The following TEX15 variants were observed in gnomAD, a reference collection of about 807,000 sequenced individuals.
The protein encoded by TEX15 is testis-expressed protein 15.
A neutral mutation model predicts 237.3 loss-of-function variants in TEX15; 171 were observed. The observed-to-expected ratio is 0.72, with a 90% CI of 0.64 to 0.82. The LOEUF is 0.82. TEX15 is among the 40% of genes least tolerant of loss of function. The probability of loss-of-function intolerance (pLI) is 0.00; values close to 1 mark genes in which losing one functional copy is unlikely to be tolerated. For missense variants in TEX15, 3,750 were observed against 3,646.5 expected, an observed-to-expected ratio of 1.03 and a Z score of -0.73; for synonymous variants, 1,338 against 1,269.8, an observed-to-expected ratio of 1.05 and a Z score of -1.14.
chr8:30,834,652 A>G (rs558505386), intron 10 of TEX15, among the ~76,000 whole-genome samples: 15 of 152,278 alleles, frequency 9.9e-5, no homozygotes, highest in African/African-American at 3.6e-4. Flanking sequence ...AGTACGAGAG[A>G]GATTGTTCTA....
rs545635671 is a variant in TEX15 at position 30,887,080 on chromosome 8, G to C, written c.136+87C>G. ...ACCTGAATTAACCTAATTTTATATA[G>C]AGTCAAAATAAAAGATGAACATAAA... On this transcript the variant is annotated intron_variant, in intron 3 of 10. Transcript: ENST00000643185. The C allele has an allele frequency of 5.8e-6, 7 of 1,204,558 alleles. No individual in the cohort carries two copies. The South Asian group carries it at 1.0e-4, about 17-fold the overall frequency. 74.6% of individuals were successfully genotyped at this position (1,204,558 alleles called of 1,614,324 possible). A position where few individuals can be genotyped will look rare whatever the true frequency, so the allele number is the denominator to read the frequency against.
Position 30,845,130 on chromosome 8 carries a change from G to A in TEX15, c.5037C>T (p.Asn1679=). The part of the protein sequence containing the change: ...GNLILSDCKR[N]LEVKWTDPIE... Reference sequence around the variant, plus strand: ...TAGGATCTGTCCACTTTACTTCCAGGTTTCTTTTACAATCAGATAAAATAA... The same window carrying A: ...TAGGATCTGTCCACTTTACTTCCAGATTTCTTTTACAATCAGATAAAATAA... The change falls in exon 8 of 11, where the codon AAC becomes AAT. Residue 1679 remains asparagine (N), a synonymous_variant. Transcript: ENST00000643185. The A allele has an allele frequency of 6.2e-7, 1 of 1,613,324 alleles. No homozygotes were observed. The highest frequency in any genetic ancestry group is 8.5e-7 in the Non-Finnish European group (1 of 1,179,442).
chr8:30,907,461 T>C (rs1809126731), intron 1 of TEX15, among the ~76,000 whole-genome samples: 1 of 147,756 alleles, frequency 6.8e-6, no homozygotes. Context: ...ATATAAATTA[T>C]ATACAAAATG....
intron 2 of TEX15, among the ~76,000 whole-genome samples, chr8:30,897,419 C>T (rs1808927798): frequency 6.6e-6 from 1 of 152,142 alleles, no homozygotes; most frequent in Admixed American, 6.5e-5. Flanking sequence ...AGTCCAAATT[C>T]CTCCTCTACC....
At chr8:30,897,082 C>A (rs1056360872) in intron 2 of TEX15, among the ~76,000 whole-genome samples, 3 of 152,042 alleles carry the variant, frequency 2.0e-5, no homozygotes, top group African/African-American at 7.3e-5. Flanking sequence ...TTTACAAAAT[C>A]GGGTTGAAAA....
At chr8:30,875,149 T>G in intron 3 of TEX15, 47 bp from the exon 4 acceptor site, 1 of 1,160,266 alleles carries the variant, frequency 8.6e-7, no homozygotes, top group Non-Finnish European at 1.1e-6. Flanking sequence ...ATGACATTAT[T>G]GGACATCTGT....
chr8:30,903,036 C>A (rs539698169), intron 1 of TEX15, among the ~76,000 whole-genome samples: 167 of 152,316 alleles, frequency 1.1e-3, no homozygotes, highest in African/African-American at 3.3e-3. Flanking sequence ...ATGCATATTA[C>A]ATAGTCTATG....
At position 30,842,819 on chromosome 8, in the gene TEX15, T is replaced by C. The variant is rs923633353; in HGVS notation, c.7348A>G (p.Met2450Val). Residue 2450 changes from methionine to valine, a missense_variant, in exon 8 of 11, where the codon ATG becomes GTG. Physicochemically the swap from Met to Val is conservative, Grantham distance 21. Coordinates refer to ENST00000643185, the MANE Select transcript of TEX15 (RefSeq NM_001350162.2). Reference protein sequence around the residue: ...EAIEMYIEIVMVSETIHFLKN... With the variant: ...EAIEMYIEIVVVSETIHFLKN... ...AGAAAGTGAATTGTTTCTGAGACCA[T>C]GACGATTTCAATATACATTTCAATA... The C allele has an allele frequency of 6.2e-7, 1 of 1,613,102 alleles. No individual in the cohort carries two copies. Among genetic ancestry groups the C allele is most frequent in the African/African-American group, 1.3e-5 (1 of 74,930 alleles).
chr8:30,840,027 A>T, intron 8 of TEX15, 63 bp from the exon 9 acceptor site: 2 of 979,186 alleles, frequency 2.0e-6, no homozygotes, highest in Non-Finnish European at 2.9e-6. Context: ...AAAAATAATT[A>T]TTATTTCAAT....
intron 7 of TEX15, among the ~76,000 whole-genome samples, chr8:30,858,036 T>C (rs571007901): frequency 1.6e-4 from 24 of 152,100 alleles, no homozygotes; most frequent in Middle Eastern, 3.4e-3. Context: ...GAGACACTTT[T>C]ATGAATATTT....
chr8:30,907,650 A>ATTTTATATATAAAATT (rs1223804855), intron 1 of TEX15, among the ~76,000 whole-genome samples: 3 of 142,986 alleles, frequency 2.1e-5, no homozygotes, highest in African/African-American at 5.1e-5. Context: ...TAATTTATAT[A>ATTTTATATATAAAATT]TTATATATAA....
At position 30,846,647 on chromosome 8, in the gene TEX15, A is replaced by G; in HGVS notation, c.3520T>C (p.Ser1174Pro). Residue 1174 changes from serine to proline, a missense_variant, in exon 8 of 11, where the codon TCC becomes CCC. Physicochemically the swap from Ser to Pro is moderately conservative, Grantham distance 74. Transcript: ENST00000643185. ...CAAAAACTATCTTTCAATGCAAGGG[A>G]GTCAGCTGTCGGGCTGAATCCTGGC... Reference protein sequence around the residue: ...FRPGFSPTADSLALKDSFCTH... With the variant: ...FRPGFSPTADPLALKDSFCTH... The G allele has an allele frequency of 6.2e-7, 1 of 1,613,880 alleles. No individual in the cohort carries two copies. Among genetic ancestry groups the G allele is most frequent in the South Asian group, 1.1e-5 (1 of 91,062 alleles).
At chr8:30,907,519 GTATA>G (rs1809129712) in intron 1 of TEX15, among the ~76,000 whole-genome samples, 1 of 142,750 alleles carries the variant, frequency 7.0e-6, no homozygotes, top group African/African-American at 2.6e-5. Context: ...TATACAAAAT[GTATA>G]TACAAATTAT....
chr8:30,848,330 C>T lies in TEX15; in HGVS notation c.1837G>A (p.Glu613Lys), dbSNP rs555117933. 1.2e-5 allele frequency: 19 copies of T among 1,614,036 alleles called. No homozygotes were observed. The South Asian group carries it at 2.1e-4, about 18-fold the overall frequency. Residue 613 changes from glutamate (E) to lysine (K), a missense_variant, in exon 8 of 11, where the codon GAA becomes AAA. Glu to Lys is a moderately conservative substitution (Grantham distance 56). Coordinates refer to ENST00000643185, the MANE Select transcript of TEX15 (RefSeq NM_001350162.2). ...ATCTTTCCAGTATTTTGAAGGTATT[C>T]ATCAATGCTTACTTTCTTTTTGAGT... is the stretch of plus-strand genomic sequence containing the variant. ...FPLKKKVSID[E>K]YLQNTGKMKN...
Position 30,837,760 on chromosome 8 carries a change from T to C in TEX15, c.8524A>G (p.Ile2842Val), listed in dbSNP as rs758619859. ...SDKKDCAAFA[I>V]CDQKSVHGTF... is the part of the protein sequence containing the mutation. The stretch of plus-strand genomic sequence containing the variant: ...CCATGTACACTTTTTTGGTCACAAA[T>C]TGCAAAAGCAGCACAATCTTTCTTA... The change falls in exon 10 of 11, where the codon ATT becomes GTT. Residue 2842 changes from isoleucine (I) to valine (V), a missense_variant. Physicochemically the swap from Ile to Val is conservative, Grantham distance 29. Transcript: ENST00000643185. The C allele has an allele frequency of 6.2e-7, 1 of 1,614,176 alleles. No homozygotes were observed. The highest frequency in any genetic ancestry group is 8.5e-7 in the Non-Finnish European group (1 of 1,180,018).
chr8:30,863,618 G>A (rs573093572), intron 5 of TEX15, among the ~76,000 whole-genome samples: 1 of 152,070 alleles, frequency 6.6e-6, no homozygotes, highest in African/African-American at 2.4e-5. Flanking sequence ...TAAAGAGCCA[G>A]TGCCTTTTTT....
At chr8:30,911,757 C>G (rs572433110) in intron 1 of TEX15, among the ~76,000 whole-genome samples, 3 of 152,302 alleles carry the variant, frequency 2.0e-5, no homozygotes, top group South Asian at 2.1e-4. Flanking sequence ...CCCGACACAG[C>G]CAGCGCGGTG....
Position 30,843,129 on chromosome 8 carries a change from T to C in TEX15, c.7038A>G (p.Pro2346=), listed in dbSNP as rs747227202. Residue 2346 remains proline (P), a synonymous_variant, in exon 8 of 11, where the codon CCA becomes CCG. Transcript: ENST00000643185. ...CTATGCTAATTGTTGCTTCGTTTATTGGATGATCTGACTTTCTGGAAGCAA... is the reference window on the plus strand; with the variant it reads ...CTATGCTAATTGTTGCTTCGTTTATCGGATGATCTGACTTTCTGGAAGCAA... The part of the protein sequence containing the change: ...TIIASRKSDH[P]INEATISIEN... The C allele has an allele frequency of 1.2e-6, 2 of 1,613,130 alleles. No homozygotes were observed. Among genetic ancestry groups the C allele is most frequent in the East Asian group, 2.2e-5 (1 of 44,822 alleles).
chr8:30,890,576 G>A (rs1048067560), intron 2 of TEX15: 12 of 152,108 alleles, frequency 7.9e-5, no homozygotes, highest in African/African-American at 2.4e-4. Context: ...AGTCATTTGC[G>A]GTTCATGACT....
Sources: allele counts gnomAD v4.1 joint callset (sites outside exome capture counted in the v4.1 genomes callset), GRCh38; gene constraint gnomAD v4.1.1; transcripts MANE v1.5; gene names NCBI Gene and HGNC (gene_info 2026-07-23, HGNC 2026-07-21).